RPAP1: variants seen among roughly 807,000 people sequenced by gnomAD.
RPAP1 encodes the protein RNA polymerase II-associated protein 1.
In RPAP1, 109 loss-of-function variants were observed where a neutral mutation model predicts 142.4. The ratio of observed to expected loss-of-function variants is 0.77; its 90% confidence interval spans 0.66 to 0.90. The LOEUF (loss-of-function observed/expected upper bound fraction) is 0.90, where lower values mean the gene tolerates loss of function less well. Among genes scored for constraint, RPAP1 ranks in the 40% least tolerant of loss-of-function variants. The pLI, the probability that RPAP1 is intolerant of heterozygous loss-of-function variation, is 0.00. For synonymous variants in RPAP1, 704 were observed against 738.9 expected (o/e 0.95, Z 0.77); for missense variants, 1,546 against 1,751.7 (o/e 0.88, Z 2.10).
At chr15:41,536,373 A>T (rs2297383) in intron 3 of RPAP1, 128 bp downstream of exon 3, 465,639 of 1,379,036 alleles carry the variant, frequency 0.34, 81,363 homozygotes, top group Admixed American at 0.42. Flanking sequence ...CCAGCCCCCA[A>T]CCTGACCTCA....
Position 41,529,327 on chromosome 15 carries a change from T to C in RPAP1, c.1158+143A>G, listed in dbSNP as rs1372268850. On this transcript the variant is annotated intron_variant, in intron 9 of 24. Transcript: ENST00000304330. ...TCCAGCCTGGGCCAGAGCGAGATTC[T>C]GTCTCCAAAAAAAGAAACTGAATGC... 6 of 622,010 alleles carry C rather than the reference T, an allele frequency of 9.6e-6. No homozygotes were observed. In the East Asian group the frequency reaches 1.7e-4, roughly 17 times the overall value. 38.5% of individuals were successfully genotyped at this position (622,010 alleles called of 1,614,324 possible).
chr15:41,519,131 A>G (rs560152528), intron 22 of RPAP1, among the ~76,000 whole-genome samples: 7 of 152,330 alleles, frequency 4.6e-5, no homozygotes, highest in Non-Finnish European at 4.4e-5. Context: ...GCCTCAAGCA[A>G]TCCTCCCACC....
rs185284002 is a variant in RPAP1 at position 41,536,891 on chromosome 15, G to C, written c.181+54C>G. The C allele has an allele frequency of 4.4e-3, 6,910 of 1,575,822 alleles. 30 individuals carry two copies. The highest frequency in any genetic ancestry group is 5.5e-3 in the Non-Finnish European group (6,409 of 1,155,498). ...ATCCAACCACAACAGGAAGAGGGAG[G>C]GGCCCGAGGCTGTACCCTCTCTACT... On this transcript the variant is annotated intron_variant, in intron 2 of 24. Coordinates refer to ENST00000304330, the MANE Select transcript of RPAP1 (RefSeq NM_015540.4).
At chr15:41,527,133 C>G (rs1462211527) in intron 13 of RPAP1, 34 bp downstream of exon 13, 1 of 1,613,732 alleles carries the variant, frequency 6.2e-7, no homozygotes, top group Non-Finnish European at 8.5e-7. Flanking sequence ...CCCAGCTAGG[C>G]TTTTTGCCCA....
intron 1 of RPAP1, among the ~76,000 whole-genome samples, chr15:41,540,964 G>A (rs144545065): frequency 3.3e-5 from 5 of 152,182 alleles, no homozygotes; most frequent in East Asian, 1.9e-4. Flanking sequence ...CCCACTAGAC[G>A]TCATCATCAA....
intron 4 of RPAP1, 85 bp downstream of exon 4, chr15:41,536,044 C>G (rs897580387): frequency 3.0e-5 from 29 of 970,382 alleles, no homozygotes; most frequent in Non-Finnish European, 4.5e-5. Context: ...TGCTTATCAT[C>G]ATTAAAACTA....
intron 6 of RPAP1, among the ~76,000 whole-genome samples, chr15:41,531,640 T>C (rs796282053): frequency 1.1e-5 from 1 of 94,898 alleles, no homozygotes; most frequent in Admixed American, 1.1e-4. Context: ...TTTTTTTTTT[T>C]TTTTTTTTTT....
chr15:41,531,623 ATATATTTTTTTTTTTTTTTTT>A (rs1301167331), intron 6 of RPAP1, among the ~76,000 whole-genome samples: 2,501 of 34,774 alleles, frequency 0.072, 42 homozygotes, highest in African/African-American at 0.27. Flanking sequence ...ATATATATAT[ATATATTTTTTTTTTTTTTTTT>A]TTTTTTTTTT....
chr15:41,518,926 A>G (rs139511308), intron 22 of RPAP1, among the ~76,000 whole-genome samples: 4 of 152,348 alleles, frequency 2.6e-5, no homozygotes, highest in Non-Finnish European at 5.9e-5. Flanking sequence ...GTCTCGTTCT[A>G]TTTCCAAGTC....
intron 22 of RPAP1, chr15:41,518,499 T>G: frequency 4.8e-6 from 1 of 207,376 alleles, no homozygotes. Context: ...CTGGCCAACA[T>G]GGTGAAACCC....
chr15:41,525,210 A>C, intron 14 of RPAP1, 62 bp from the exon 15 acceptor site: 123 of 1,460,420 alleles, frequency 8.4e-5, no homozygotes, highest in Non-Finnish European at 1.0e-4. Context: ...AGCTACTCTC[A>C]GCTGGACAGA....
intron 1 of RPAP1, chr15:41,543,952 T>A (rs561408112): frequency 1.3e-5 from 2 of 152,228 alleles, no homozygotes; most frequent in African/African-American, 2.4e-5. Flanking sequence ...CAATCCCGAG[T>A]CGGGACGCGT....
rs770900590 is a variant in RPAP1, at chr15:41,528,349, C to A, written c.1159-13G>T. On this transcript the variant is annotated splice_polypyrimidine_tract_variant and intron_variant, in intron 9 of 24. Coordinates refer to ENST00000304330, the MANE Select transcript of RPAP1 (RefSeq NM_015540.4). Reference sequence around the variant, plus strand: ...AATACCCCGCTCTCTGGGGCAGGGACAAGAAGTCAGAAGCAGCCAGGATAC... The same window carrying A: ...AATACCCCGCTCTCTGGGGCAGGGAAAAGAAGTCAGAAGCAGCCAGGATAC... 2.6e-6 allele frequency: 4 copies of A among 1,567,118 alleles called. No homozygotes were observed. The highest frequency in any genetic ancestry group is 3.5e-6 in the Non-Finnish European group (4 of 1,152,868).
chr15:41,531,297 G>C (rs2051845081), intron 6 of RPAP1, 95 bp from the exon 7 acceptor site: 2 of 1,257,446 alleles, frequency 1.6e-6, no homozygotes, highest in Non-Finnish European at 2.2e-6. Context: ...GTCTGTGGGT[G>C]CCAAGGACAG....
intron 1 of RPAP1, among the ~76,000 whole-genome samples, chr15:41,542,738 T>A (rs1595491447): frequency 6.6e-6 from 1 of 152,182 alleles, no homozygotes; most frequent in Admixed American, 6.6e-5. Flanking sequence ...ACCTACCTCC[T>A]GAATTAATTA....
Position 41,524,165 on chromosome 15 carries a change from A to G in RPAP1, c.2165T>C (p.Ile722Thr). 1 of 1,598,166 alleles carries G rather than the reference A, an allele frequency of 6.3e-7. No individual in the cohort carries two copies. Among genetic ancestry groups the G allele is most frequent in the Non-Finnish European group, 8.5e-7 (1 of 1,171,442 alleles). ...HPPQPLSMQRIASLLTLLTQL... is the reference protein window; with the variant it reads ...HPPQPLSMQRTASLLTLLTQL... ...GGTGAGGAGAGTGAGCAGTGAGGCT[A>G]TCCGCTGCATGGACAGGGGTTGAGG... is the stretch of plus-strand genomic sequence containing the variant. Residue 722 changes from isoleucine to threonine, a missense_variant, in exon 16 of 25, where the codon ATA becomes ACA. Ile to Thr is a moderately conservative substitution (Grantham distance 89). Transcript: ENST00000304330.
intron 1 of RPAP1, among the ~76,000 whole-genome samples, chr15:41,543,201 CTTTTTT>C (rs71104794): frequency 2.5e-5 from 2 of 78,934 alleles, no homozygotes; most frequent in African/African-American, 1.1e-4. Flanking sequence ...CAATGCTGTC[CTTTTTT>C]TTTTTTTTTT....
rs150107533 is a variant in RPAP1, at chr15:41,535,630, C to G, written c.423G>C (p.Gly141=). The change falls in exon 5 of 25, where the codon GGG becomes GGC. Residue 141 remains glycine, a splice_region_variant and synonymous_variant. Coordinates refer to ENST00000304330, the MANE Select transcript of RPAP1 (RefSeq NM_015540.4). Reference sequence around the variant, plus strand: ...TTCTCTTACCAGATGTTGCTGATTTCCCCTGTGGGGCAAAAAGAAAACCCA... The same window carrying G: ...TTCTCTTACCAGATGTTGCTGATTTGCCCTGTGGGGCAAAAAGAAAACCCA... ...AVFLRSRDTQ[G]KSATSGKRSI... The G allele has an allele frequency of 5.0e-6, 8 of 1,610,612 alleles. No homozygotes were observed. The highest frequency in any genetic ancestry group is 6.8e-6 in the Non-Finnish European group (8 of 1,179,088).
At chr15:41,526,839 G>A (rs2051795288) in intron 14 of RPAP1, 59 bp downstream of exon 14, 1 of 1,506,902 alleles carries the variant, frequency 6.6e-7, no homozygotes, top group Non-Finnish European at 8.9e-7. Context: ...GCCATGTTTA[G>A]CTCCCAACCC....
Sources: gnomAD v4.1 joint callset for allele counts (sites outside exome capture counted in the v4.1 genomes callset) on GRCh38, gnomAD v4.1.1 for gene constraint, MANE v1.5 for transcripts, NCBI Gene and HGNC (gene_info 2026-07-23, HGNC 2026-07-21) for gene names.